The following CRISPLD2 variants were observed in gnomAD, a reference collection of about 807,000 sequenced individuals.
CRISPLD2 encodes the protein cysteine-rich secretory protein LCCL domain-containing 2.
Under a neutral mutation model 71.1 loss-of-function variants are expected in CRISPLD2, and 47 were observed. That is an observed-to-expected ratio of 0.66 (90% CI 0.52 to 0.84). The LOEUF is 0.84. CRISPLD2 is among the 40% of genes least tolerant of loss of function. The pLI, the probability that CRISPLD2 is intolerant of heterozygous loss-of-function variation, is 0.00. For synonymous variants in CRISPLD2, 317 were observed against 250.1 expected, an observed-to-expected ratio of 1.27 and a Z score of -2.52; for missense variants, 830 against 651.1, an observed-to-expected ratio of 1.27 and a Z score of -2.99.
At chr16:84,845,760 G>A in intron 2 of CRISPLD2, 26 bp from the exon 3 acceptor site, 1 of 1,517,994 alleles carries the variant, frequency 6.6e-7, no homozygotes, top group Non-Finnish European at 9.1e-7. Context: ...CTCACCTCCT[G>A]GTGCCCGTTT....
chr16:84,890,478 G>C (rs2071651996), intron 14 of CRISPLD2, among the ~76,000 whole-genome samples: 1 of 152,208 alleles, frequency 6.6e-6, no homozygotes, highest in South Asian at 2.1e-4. Flanking sequence ...CATTGGTAGT[G>C]ACTGTGAATG....
In CRISPLD2 at chr16:84,894,050, G is replaced by A. The variant is rs74031021; in HGVS notation, c.1439+4687G>A. 3.8e-3 allele frequency among the ~76,000 whole-genome samples: 584 copies of A among 152,278 alleles called. 3 individuals are homozygous for A. The highest frequency in any genetic ancestry group is 0.013 in the African/African-American group (560 of 41,550). On this transcript the variant is annotated intron_variant, in intron 14 of 14. Transcript: ENST00000262424. ...CCCCCAAACAGGATTCTCAGCACAC[G>A]GGGCCGAAGGTCAGTTCTGCTTCAC...
rs941077159 is a variant in CRISPLD2, at chr16:84,908,702, T to C, written c.*2060T>C. ...TGTCTTTTTTTTTTTTTTTTTTTTT[T>C]TCCCGAGACCAAGTTTCACTCTGTT... On this transcript the variant is annotated 3_prime_UTR_variant, in exon 15 of 15. Coordinates refer to ENST00000262424, the MANE Select transcript of CRISPLD2 (RefSeq NM_031476.4). 7 of 114,124 alleles carry C rather than the reference T, an allele frequency of 6.1e-5. No homozygotes were observed. Among genetic ancestry groups the C allele is most frequent in the South Asian group, 5.1e-4 (2 of 3,892 alleles). 7.1% of individuals were successfully genotyped at this position (114,124 alleles called of 1,614,324 possible). A position where few individuals can be genotyped will look rare whatever the true frequency, so the allele number is the denominator to read the frequency against.
In CRISPLD2 at chr16:84,882,368, A is replaced by G. The variant is rs1008750466; in HGVS notation, c.1305+1784A>G. On this transcript the variant is annotated intron_variant, in intron 13 of 14. Coordinates refer to ENST00000262424, the MANE Select transcript of CRISPLD2 (RefSeq NM_031476.4). ...AAAGCAAAAAAAAAAAAAAAAAAAA[A>G]AAAGCAAGAACTTAATGGATATTTG... 4.2e-5 allele frequency among the ~76,000 whole-genome samples: 5 copies of G among 119,734 alleles called. 1 individual carries two copies. Among genetic ancestry groups the G allele is most frequent in the African/African-American group, 2.2e-4 (5 of 22,904 alleles). 78.6% of individuals were successfully genotyped at this position (119,734 alleles called of 152,430 possible).
intron 1 of CRISPLD2, among the ~76,000 whole-genome samples, chr16:84,828,723 G>A (rs954690765): frequency 2.0e-5 from 3 of 152,002 alleles, no homozygotes; most frequent in Admixed American, 6.6e-5. Flanking sequence ...GGCTTGCATC[G>A]AATGCACCTG....
chr16:84,823,780 C>A (rs751444222), intron 1 of CRISPLD2, among the ~76,000 whole-genome samples: 16 of 152,122 alleles, frequency 1.1e-4, no homozygotes, highest in Non-Finnish European at 1.8e-4. Flanking sequence ...GGAAAAAAAA[C>A]GTCCTGATGA....
chr16:84,857,922 C>T (rs992394371), intron 6 of CRISPLD2, among the ~76,000 whole-genome samples: 3 of 152,142 alleles, frequency 2.0e-5, no homozygotes, highest in African/African-American at 7.2e-5. Flanking sequence ...GTGCACGACC[C>T]GCTTTATGGC....
intron 14 of CRISPLD2, among the ~76,000 whole-genome samples, chr16:84,895,648 C>G (rs761912184): frequency 2.1e-4 from 32 of 152,188 alleles, no homozygotes; most frequent in Non-Finnish European, 4.0e-4. Flanking sequence ...AGAGGTTTGA[C>G]AGTTCCCTAG....
chr16:84,882,280 A>T (rs1286060836), intron 13 of CRISPLD2, among the ~76,000 whole-genome samples: 3 of 151,546 alleles, frequency 2.0e-5, no homozygotes, highest in Admixed American at 2.0e-4. Context: ...GGCACAGAAG[A>T]TACAATTTAC....
At chr16:84,885,087 A>G (rs571971506) in intron 13 of CRISPLD2, among the ~76,000 whole-genome samples, 4 of 152,238 alleles carry the variant, frequency 2.6e-5, no homozygotes, top group South Asian at 2.1e-4. Flanking sequence ...TCTGGCTCCA[A>G]TCAACCATTG....
At chr16:84,879,730 C>T (rs1250694818) in intron 12 of CRISPLD2, among the ~76,000 whole-genome samples, 1 of 152,118 alleles carries the variant, frequency 6.6e-6, no homozygotes, top group Non-Finnish European at 1.5e-5. Context: ...TCCTCCCAGC[C>T]CCTAAGAACT....
intron 1 of CRISPLD2, among the ~76,000 whole-genome samples, chr16:84,836,887 A>T (rs1916634612): frequency 6.6e-6 from 1 of 152,054 alleles, no homozygotes; most frequent in Non-Finnish European, 1.5e-5. Context: ...CACGGCCACC[A>T]CCCAACCCTC....
chr16:84,861,180 G>A (rs952870041), intron 6 of CRISPLD2, among the ~76,000 whole-genome samples: 9 of 152,046 alleles, frequency 5.9e-5, no homozygotes, highest in African/African-American at 2.2e-4. Context: ...TTAGCATTTT[G>A]GGATCTAATC....
intron 1 of CRISPLD2, among the ~76,000 whole-genome samples, chr16:84,821,550 C>T (rs1164833131): frequency 1.3e-5 from 2 of 152,122 alleles, no homozygotes; most frequent in Non-Finnish European, 2.9e-5. Flanking sequence ...ATGCTGTCAC[C>T]CCCAGGTGGG....
chr16:84,862,819 A>G (rs987914472), intron 6 of CRISPLD2, among the ~76,000 whole-genome samples: 6 of 151,892 alleles, frequency 4.0e-5, no homozygotes, highest in African/African-American at 1.2e-4. Flanking sequence ...GTGAAGAACA[A>G]GTGGGCTAGA....
intron 6 of CRISPLD2, among the ~76,000 whole-genome samples, chr16:84,859,519 C>A (rs1917327837): frequency 1.3e-5 from 2 of 152,176 alleles, no homozygotes; most frequent in East Asian, 1.9e-4. Flanking sequence ...TGGGGTCCTT[C>A]CTCAAGGGGA....
chr16:84,902,167 C>T (rs1292081540), intron 14 of CRISPLD2, among the ~76,000 whole-genome samples: 1 of 152,040 alleles, frequency 6.6e-6, no homozygotes, highest in African/African-American at 2.4e-5. Flanking sequence ...AACAAAATTC[C>T]AACAAATGCG....
Position 84,838,613 on chromosome 16 carries a change from C to G in CRISPLD2, c.118C>G (p.His40Asp). The change falls in exon 2 of 15, where the codon CAC becomes GAC. Residue 40 changes from histidine (H) to aspartate (D), a missense_variant. By Grantham distance (81) the His-to-Asp change is moderately conservative. Coordinates refer to ENST00000262424, the MANE Select transcript of CRISPLD2 (RefSeq NM_031476.4). ...LLEELLSKYQ[H>D]NESHSRVRRA... ...AGAGGAGCTGCTCAGCAAATACCAG[C>G]ACAACGAGTCTCACTCCCGGGTCCG... is the stretch of plus-strand genomic sequence containing the variant. 6.2e-7 allele frequency: 1 copy of G among 1,614,254 alleles called. No homozygotes were observed. The highest frequency in any genetic ancestry group is 1.1e-5 in the South Asian group (1 of 91,092).
intron 13 of CRISPLD2, 186 bp downstream of exon 13, chr16:84,880,770 A>T: frequency 2.2e-6 from 1 of 461,220 alleles, no homozygotes; most frequent in Admixed American, 3.4e-5. Context: ...CAGTGGAGTA[A>T]TCTTGGCCCA....
Sources: gnomAD v4.1 joint callset for allele counts (sites outside exome capture counted in the v4.1 genomes callset) on GRCh38, gnomAD v4.1.1 for gene constraint, MANE v1.5 for transcripts, NCBI Gene and HGNC (gene_info 2026-07-23, HGNC 2026-07-21) for gene names.